SIDT1: variants seen among roughly 807,000 people sequenced by gnomAD.
The protein encoded by SIDT1 is SID1 transmembrane family, member 1.
In SIDT1, 101 loss-of-function variants were observed where a neutral mutation model predicts 107.5. The observed-to-expected ratio is 0.94, with a 90% CI of 0.80 to 1.11. The LOEUF is 1.11. Ranked by LOEUF, SIDT1 falls within the 50% of genes least tolerant of loss-of-function variation. SIDT1 has a pLI of 0.00. For missense variants in SIDT1, 1,076 were observed against 1,058.2 expected, an observed-to-expected ratio of 1.02 and a Z score of -0.23; for synonymous variants, 395 against 398.2, an observed-to-expected ratio of 0.99 and a Z score of 0.10.
chr3:113,597,577 G>GTCTTCAGA (rs1190958419), intron 10 of SIDT1, among the ~76,000 whole-genome samples: 14 of 151,088 alleles, frequency 9.3e-5, no homozygotes, highest in African/African-American at 3.4e-4. Context: ...AACCTGCTGA[G>GTCTTCAGA]TCTTCAGAGA....
intron 1 of SIDT1, among the ~76,000 whole-genome samples, chr3:113,550,312 A>G (rs978378635): frequency 2.6e-5 from 4 of 152,342 alleles, no homozygotes; most frequent in Non-Finnish European, 2.9e-5. Flanking sequence ...AATGGCAAGC[A>G]TATTCTATTT....
downstream of SIDT1, chr3:113,629,611 G>A (rs901622247): frequency 6.6e-5 from 10 of 152,106 alleles, no homozygotes; most frequent in Non-Finnish European, 1.0e-4. Flanking sequence ...TTATCTTAAC[G>A]CACTATGGTT....
At position 113,544,804 on chromosome 3, in the gene SIDT1, C is replaced by A. The variant is rs994860629; in HGVS notation, c.222+11561C>A. 2.0e-5 allele frequency among the ~76,000 whole-genome samples: 3 copies of A among 152,098 alleles called. No homozygotes were observed. In the East Asian group the frequency reaches 5.8e-4, roughly 29 times the overall value. On this transcript the variant is annotated intron_variant, in intron 1 of 24. Coordinates refer to ENST00000264852, the MANE Select transcript of SIDT1 (RefSeq NM_017699.3). ...TTTCTCCACTGTAAATTTACTGTTT[C>A]CCTTTTATAATTAAAAAGTCATTTG...
rs1937622643 is a variant in SIDT1 at position 113,532,908 on chromosome 3, C to A, written c.-114C>A. 1.4e-6 allele frequency: 1 copy of A among 702,706 alleles called. No homozygotes were observed. Among genetic ancestry groups the A allele is most frequent in the South Asian group, 4.0e-5 (1 of 24,782 alleles). 43.5% of individuals were successfully genotyped at this position (702,706 alleles called of 1,614,324 possible). ...GCCGGCTGGGTTCGCCAGGCATCAC[C>A]CGCTCGGCTCTGAAGCGGACGCCTG... is the stretch of plus-strand genomic sequence containing the variant. On this transcript the variant is annotated 5_prime_UTR_variant, in exon 1 of 25. Coordinates refer to ENST00000264852, the MANE Select transcript of SIDT1 (RefSeq NM_017699.3).
chr3:113,612,253 C>T (rs1945810924), intron 19 of SIDT1, 59 bp downstream of exon 19: 19 of 1,199,026 alleles, frequency 1.6e-5, no homozygotes, highest in Non-Finnish European at 2.2e-5. Context: ...AAAAAGCAGA[C>T]ACTGCCTTTA....
chr3:113,550,463 G>A (rs1019790745), intron 1 of SIDT1, among the ~76,000 whole-genome samples: 6 of 152,070 alleles, frequency 3.9e-5, no homozygotes, highest in East Asian at 1.9e-4. Flanking sequence ...TTCCAGTGGC[G>A]GAAGATGAAG....
intron 1 of SIDT1, among the ~76,000 whole-genome samples, chr3:113,543,997 A>G (rs906287581): frequency 3.3e-5 from 5 of 152,196 alleles, no homozygotes; most frequent in African/African-American, 1.2e-4. Context: ...CACAAAATTA[A>G]CCTGTATAAA....
At chr3:113,601,096 A>G (rs181567816) in intron 10 of SIDT1, among the ~76,000 whole-genome samples, 44 of 152,350 alleles carry the variant, frequency 2.9e-4, no homozygotes, top group Non-Finnish European at 5.3e-4. Context: ...ATTAGTCCTT[A>G]TAATTAAAGT....
At chr3:113,605,099 C>A in intron 14 of SIDT1, 123 bp downstream of exon 14, 1 of 734,648 alleles carries the variant, frequency 1.4e-6, no homozygotes, top group Non-Finnish European at 2.2e-6. Flanking sequence ...ATTGGGGTTC[C>A]AATTGGAATT....
At chr3:113,552,760 A>T (rs1940410459) in intron 1 of SIDT1, among the ~76,000 whole-genome samples, 1 of 152,052 alleles carries the variant, frequency 6.6e-6, no homozygotes, top group African/African-American at 2.4e-5. Context: ...TGTGTCATTT[A>T]CTCACAATTG....
intron 3 of SIDT1, among the ~76,000 whole-genome samples, chr3:113,574,241 C>T (rs745745530): frequency 3.9e-5 from 6 of 152,068 alleles, no homozygotes; most frequent in South Asian, 2.1e-4. Flanking sequence ...TACATGAGTG[C>T]GGAGTTTATA....
At chr3:113,546,654 C>T (rs943869000) in intron 1 of SIDT1, among the ~76,000 whole-genome samples, 3 of 151,600 alleles carry the variant, frequency 2.0e-5, no homozygotes, top group Non-Finnish European at 4.4e-5. Flanking sequence ...AGAATTTCTT[C>T]GTTTCTTACT....
intron 21 of SIDT1, among the ~76,000 whole-genome samples, chr3:113,622,582 A>AAATTAAAGCTGAGTCCAT (rs1946543970): frequency 6.6e-6 from 1 of 152,160 alleles, no homozygotes; most frequent in Non-Finnish European, 1.5e-5. Context: ...GCTGAGTCCA[A>AAATTAAAGCTGAGTCCAT]CCAAAATTAA....
chr3:113,617,519 C>G (rs1488325389), intron 20 of SIDT1, among the ~76,000 whole-genome samples: 1 of 152,180 alleles, frequency 6.6e-6, no homozygotes, highest in Non-Finnish European at 1.5e-5. Context: ...CCTTTATCAT[C>G]AGAATATTTT....
Position 113,564,051 on chromosome 3 carries a change from C to T in SIDT1, c.223-2369C>T, listed in dbSNP as rs190387483. On this transcript the variant is annotated intron_variant, in intron 1 of 24. Coordinates refer to ENST00000264852, the MANE Select transcript of SIDT1 (RefSeq NM_017699.3). ...GCAACCTCTGCCTCCTGGGTTCAAGCGATTCTCCTGCCTCAGCCTCCCGAG... is the reference window on the plus strand; with the variant it reads ...GCAACCTCTGCCTCCTGGGTTCAAGTGATTCTCCTGCCTCAGCCTCCCGAG... Among the ~76,000 whole-genome samples, 406 of 152,172 alleles carry T rather than the reference C, an allele frequency of 2.7e-3. 3 individuals carry two copies. Among genetic ancestry groups the T allele is most frequent in the Middle Eastern group, 0.014 (4 of 294 alleles).
chr3:113,576,989 GT>G, intron 4 of SIDT1, 22 bp downstream of exon 4: 1 of 1,612,396 alleles, frequency 6.2e-7, no homozygotes, highest in Non-Finnish European at 8.5e-7. Context: ...GGTTCCAAGA[GT>G]TATCAACATC....
intron 20 of SIDT1, among the ~76,000 whole-genome samples, chr3:113,617,484 A>G (rs1176215312): frequency 6.6e-6 from 1 of 152,232 alleles, no homozygotes; most frequent in Non-Finnish European, 1.5e-5. Flanking sequence ...CCTGTCACAC[A>G]GGGATTTAGC....
chr3:113,599,961 T>C (rs1289727487), intron 10 of SIDT1, among the ~76,000 whole-genome samples: 2 of 152,338 alleles, frequency 1.3e-5, no homozygotes, highest in Middle Eastern at 3.4e-3. Context: ...ATCATTTCAC[T>C]ATGTGCACGT....
intron 1 of SIDT1, among the ~76,000 whole-genome samples, chr3:113,560,765 A>C (rs1941356782): frequency 2.0e-5 from 3 of 152,206 alleles, no homozygotes; most frequent in African/African-American, 7.2e-5. Flanking sequence ...ATTTTAGCAA[A>C]AATAAACTAG....
Sources: allele counts gnomAD v4.1 joint callset (sites outside exome capture counted in the v4.1 genomes callset), GRCh38; gene constraint gnomAD v4.1.1; transcripts MANE v1.5; gene names NCBI Gene and HGNC (gene_info 2026-07-23, HGNC 2026-07-21).